The following VSTM2B variants were observed in gnomAD, a reference collection of about 807,000 sequenced individuals.
VSTM2B encodes the protein V-set and transmembrane domain-containing protein 2B.
VSTM2B carries 24 observed loss-of-function variants against 24.0 expected under a neutral mutation model. The ratio of observed to expected loss-of-function variants is 1.00; its 90% confidence interval spans 0.72 to 1.40. VSTM2B has a LOEUF of 1.40. VSTM2B is among the 40% of genes most tolerant of loss of function. The probability of loss-of-function intolerance (pLI) is 0.00; values close to 1 mark genes in which losing one functional copy is unlikely to be tolerated. For synonymous variants in VSTM2B, 226 were observed against 194.4 expected (o/e 1.16, Z -1.35); for missense variants, 399 against 416.4 (o/e 0.96, Z 0.36).
intron 4 of VSTM2B, among the ~76,000 whole-genome samples, chr19:29,540,009 G>A (rs992364988): frequency 8.5e-5 from 13 of 152,272 alleles, no homozygotes; most frequent in African/African-American, 3.1e-4. Flanking sequence ...CCCTCAGGGA[G>A]GAAGGCATGG....
chr19:29,528,889 T>C, intron 3 of VSTM2B: 1 of 984,146 alleles, frequency 1.0e-6, no homozygotes, highest in Non-Finnish European at 1.2e-6. Context: ...CGCCCTCCGC[T>C]GCAACCCTTT....
chr19:29,536,878 C>CT (rs1176459466), intron 4 of VSTM2B, among the ~76,000 whole-genome samples: 1 of 152,196 alleles, frequency 6.6e-6, no homozygotes, highest in East Asian at 1.9e-4. Context: ...AGGTCAAGTG[C>CT]TTTTGTAATA....
chr19:29,537,877 G>A (rs1969930743), intron 4 of VSTM2B, among the ~76,000 whole-genome samples: 2 of 152,150 alleles, frequency 1.3e-5, no homozygotes, highest in South Asian at 4.2e-4. Context: ...TAGAGACCGA[G>A]GCCAGGAAAA....
intron 4 of VSTM2B, among the ~76,000 whole-genome samples, chr19:29,560,233 T>C (rs537288208): frequency 1.3e-5 from 2 of 152,130 alleles, no homozygotes; most frequent in Non-Finnish European, 2.9e-5. Flanking sequence ...GGCACTATGA[T>C]AGGGATGCTG....
chr19:29,527,019 G>A (rs1038228431), intron 1 of VSTM2B, 192 bp from the exon 2 acceptor site: 22 of 550,374 alleles, frequency 4.0e-5, no homozygotes, highest in East Asian at 6.4e-5. Flanking sequence ...GTAGGCAGCC[G>A]ATGGCCGGTC....
intron 3 of VSTM2B, 129 bp downstream of exon 3, chr19:29,528,591 C>A: frequency 2.0e-5 from 24 of 1,189,292 alleles, no homozygotes; most frequent in Non-Finnish European, 2.9e-5. Context: ...CGATCGCAGC[C>A]TTGCATCGGT....
rs2145452848 is a variant in VSTM2B at position 29,526,844 on chromosome 19, G to A, written c.82+179G>A. Reference sequence around the variant, plus strand: ...GCGGCGAAGGGTCGCCGCAGCAGCAGCGCCGCGCCCGAGTCGTTCCCAGTC... The same window carrying A: ...GCGGCGAAGGGTCGCCGCAGCAGCAACGCCGCGCCCGAGTCGTTCCCAGTC... On this transcript the variant is annotated intron_variant, in intron 1 of 4. Transcript: ENST00000335523. This position sits in a 1 kb window ranked among gnomAD's most constrained non-coding sequence, Gnocchi z 4.1. 2 of 560,530 alleles carry A rather than the reference G, an allele frequency of 3.6e-6. No homozygotes were observed. The highest frequency in any genetic ancestry group is 5.9e-6 in the Non-Finnish European group (2 of 339,128). 34.7% of individuals were successfully genotyped at this position (560,530 alleles called of 1,614,324 possible).
chr19:29,549,871 G>A (rs1174225194), intron 4 of VSTM2B, among the ~76,000 whole-genome samples: 5 of 152,130 alleles, frequency 3.3e-5, no homozygotes, highest in South Asian at 2.1e-4. Flanking sequence ...ACTCCTGAGC[G>A]GGCCCCAGGG....
At chr19:29,542,370 G>C (rs920809317) in intron 4 of VSTM2B, among the ~76,000 whole-genome samples, 1 of 151,144 alleles carries the variant, frequency 6.6e-6, no homozygotes, top group African/African-American at 2.4e-5. Flanking sequence ...TAAGAAGAAG[G>C]GTGAATCAAT....
chr19:29,543,128 A>G (rs1262106651), intron 4 of VSTM2B, among the ~76,000 whole-genome samples: 1 of 152,200 alleles, frequency 6.6e-6, no homozygotes, highest in Non-Finnish European at 1.5e-5. Flanking sequence ...TCCACGTACA[A>G]ATTAATGTAG....
intron 3 of VSTM2B, among the ~76,000 whole-genome samples, chr19:29,529,444 G>T (rs1415243397): frequency 1.3e-5 from 2 of 152,194 alleles, no homozygotes; most frequent in Admixed American, 1.3e-4. Flanking sequence ...AAGGAACAAG[G>T]AATCCAGCCT....
At chr19:29,532,693 C>A (rs1969787600) in intron 4 of VSTM2B, among the ~76,000 whole-genome samples, 1 of 152,188 alleles carries the variant, frequency 6.6e-6, no homozygotes, top group Non-Finnish European at 1.5e-5. Flanking sequence ...TCAGAGGGAG[C>A]TTGGTATGGA....
intron 4 of VSTM2B, among the ~76,000 whole-genome samples, chr19:29,538,271 T>C (rs1969939090): frequency 6.7e-6 from 1 of 150,260 alleles, no homozygotes; most frequent in African/African-American, 2.4e-5. Flanking sequence ...TCATCTGTTA[T>C]CATCAGCACG....
In VSTM2B at chr19:29,528,342, G is replaced by C. The variant is rs945064416; in HGVS notation, c.268-91G>C. The C allele has an allele frequency of 2.6e-5, 39 of 1,521,638 alleles. No homozygotes were observed. In the Middle Eastern group the frequency reaches 8.5e-4, roughly 33 times the overall value. 94.3% of individuals were successfully genotyped at this position (1,521,638 alleles called of 1,614,324 possible). ...GGGCGGTTTCGGTCCTAGCCTGCCG[G>C]AGGAGGGTGCCCTTGCCTAAAGGCG... On this transcript the variant is annotated intron_variant, in intron 2 of 4. Transcript: ENST00000335523.
intron 4 of VSTM2B, among the ~76,000 whole-genome samples, chr19:29,543,220 C>A (rs974598812): frequency 6.6e-6 from 1 of 152,174 alleles, no homozygotes; most frequent in Non-Finnish European, 1.5e-5. Context: ...ACTAATGTAA[C>A]AAAAATACAC....
At chr19:29,561,074 G>A (rs538675117) in intron 4 of VSTM2B, among the ~76,000 whole-genome samples, 3 of 152,308 alleles carry the variant, frequency 2.0e-5, no homozygotes, top group African/African-American at 7.2e-5. Flanking sequence ...CACTTTGGGA[G>A]GTCGAAGTGG....
rs1303403290 is a variant in VSTM2B, at chr19:29,563,971, A to G, written c.*37A>G. 5 of 1,533,894 alleles carry G rather than the reference A, an allele frequency of 3.3e-6. No homozygotes were observed. Among genetic ancestry groups the G allele is most frequent in the East Asian group, 2.4e-5 (1 of 40,834 alleles). On this transcript the variant is annotated 3_prime_UTR_variant, in exon 5 of 5. Coordinates refer to ENST00000335523, the MANE Select transcript of VSTM2B (RefSeq NM_001146339.2). ...AACCCGAGCATCTCAGAGGCCGCAC[A>G]TGACCTGCCCGGGGCCCTCGGTGAG...
At chr19:29,549,958 A>T (rs1970240469) in intron 4 of VSTM2B, among the ~76,000 whole-genome samples, 1 of 152,226 alleles carries the variant, frequency 6.6e-6, no homozygotes. Flanking sequence ...GGCTAAATGG[A>T]TGTTCAAGTC....
At chr19:29,549,540 C>T (rs62104166) in intron 4 of VSTM2B, among the ~76,000 whole-genome samples, 12 of 35,010 alleles carry the variant, frequency 3.4e-4, no homozygotes, top group Admixed American at 1.6e-3. Flanking sequence ...TGATGCTGGC[C>T]CCAAGGCTGC....
Sources: gnomAD v4.1 joint callset for allele counts (sites outside exome capture counted in the v4.1 genomes callset) on GRCh38, gnomAD v4.1.1 for gene constraint, Gnocchi (gnomAD v3.1) non-coding constraint, MANE v1.5 for transcripts, NCBI Gene and HGNC (gene_info 2026-07-23, HGNC 2026-07-21) for gene names.